Variants in RAB37 observed in about 807,000 individuals in gnomAD.
The protein encoded by RAB37 is ras-related protein Rab-37.
In RAB37, 29 loss-of-function variants were observed where a neutral mutation model predicts 33.1. The observed-to-expected ratio is 0.88, with a 90% CI of 0.65 to 1.20. RAB37 has a LOEUF of 1.20. Among genes scored for constraint, RAB37 ranks in the 50% most tolerant of loss-of-function variants. RAB37 has a pLI of 0.00. For synonymous variants in RAB37, 128 were observed against 119.5 expected (o/e 1.07, Z -0.47); for missense variants, 299 against 301.1 (o/e 0.99, Z 0.05).
Position 74,730,088 on chromosome 17 carries a change from C to T in RAB37, c.183+722C>T, listed in dbSNP as rs375348331. Reference sequence around the variant, plus strand: ...TCCTTTACCACACATCCCATCTCCCCGCGTTGTCCCGTGCCTGCGGCTGCA... The same window carrying T: ...TCCTTTACCACACATCCCATCTCCCTGCGTTGTCCCGTGCCTGCGGCTGCA... On this transcript the variant is annotated intron_variant, in intron 2 of 7. Coordinates refer to the RAB37 transcript ENST00000340415. The surrounding 1 kb of genome is among the most constrained non-coding windows in gnomAD (Gnocchi z 4.4). 5.9e-5 allele frequency among the ~76,000 whole-genome samples: 9 copies of T among 152,292 alleles called. No individual in the cohort carries two copies. Among genetic ancestry groups the T allele is most frequent in the Middle Eastern group, 6.8e-3 (2 of 294 alleles).
chr17:74,743,835 C>T (rs2144087460), intron 5 of RAB37, among the ~76,000 whole-genome samples: 1 of 152,272 alleles, frequency 6.6e-6, no homozygotes, highest in South Asian at 2.1e-4. Flanking sequence ...CCCCTGACCT[C>T]AAGGACAGTT....
chr17:74,723,766 G>A (rs1036474214), intron 1 of RAB37, among the ~76,000 whole-genome samples: 7 of 151,924 alleles, frequency 4.6e-5, no homozygotes, highest in Non-Finnish European at 7.4e-5. Context: ...TAGTAGAGAC[G>A]GGGTTTCACT....
At chr17:74,682,574 G>C (rs2031976335) in intron 1 of RAB37, among the ~76,000 whole-genome samples, 2 of 152,214 alleles carry the variant, frequency 1.3e-5, no homozygotes, top group South Asian at 4.1e-4. Flanking sequence ...CACCCCGAAG[G>C]TGGAGTCAAT....
chr17:74,672,157 CTG>C (rs2031720354), intron 1 of RAB37, among the ~76,000 whole-genome samples: 1 of 152,206 alleles, frequency 6.6e-6, no homozygotes, highest in South Asian at 2.1e-4. Flanking sequence ...CTCACAGCCC[CTG>C]TAAGCATTTG....
intron 1 of RAB37, chr17:74,703,179 G>A: frequency 6.4e-7 from 1 of 1,572,592 alleles, no homozygotes; most frequent in South Asian, 1.1e-5. Flanking sequence ...CCAGATCACA[G>A]ATGCCCCTGC....
In RAB37 at chr17:74,676,885, G is replaced by A. The variant is rs940554862; in HGVS notation, c.72+5227G>A. 6.6e-6 allele frequency among the ~76,000 whole-genome samples: 1 copy of A among 152,136 alleles called. No homozygotes were observed. The highest frequency in any genetic ancestry group is 2.4e-5 in the African/African-American group (1 of 41,418). On this transcript the variant is annotated intron_variant, in intron 1 of 7. Coordinates refer to the RAB37 transcript ENST00000340415. This position sits in a 1 kb window ranked among gnomAD's most constrained non-coding sequence, Gnocchi z 4.1. ...GTTAACCTCCAGGCTTGGCACGGTG[G>A]CTCACACCTGTAATCCCAGCACTTT...
intron 1 of RAB37, among the ~76,000 whole-genome samples, chr17:74,718,044 C>T (rs1327702924): frequency 6.6e-6 from 1 of 152,056 alleles, no homozygotes; most frequent in Non-Finnish European, 1.5e-5. Flanking sequence ...ACCTGTAATC[C>T]CAGCACTTTG....
intron 1 of RAB37, among the ~76,000 whole-genome samples, chr17:74,719,512 C>G (rs1312871770): frequency 1.3e-5 from 2 of 151,820 alleles, no homozygotes; most frequent in African/African-American, 4.8e-5. Flanking sequence ...TTTTCTTTTC[C>G]TTTTTTTTCT....
chr17:74,695,371 G>T, intron 1 of RAB37: 1 of 1,214,306 alleles, frequency 8.2e-7, no homozygotes, highest in Non-Finnish European at 1.1e-6. Flanking sequence ...TCCCACTCAA[G>T]CCCTCCAGCT....
At position 74,745,249 on chromosome 17, in the gene RAB37, T is replaced by A; in HGVS notation, c.567-57T>A. On this transcript the variant is annotated intron_variant, in intron 8 of 8. Transcript: ENST00000392613. This position sits in a 1 kb window ranked among gnomAD's most constrained non-coding sequence, Gnocchi z 4.5. ...CCACTGGGAGAGGGGAGGGGGCGGC[T>A]CAGCTCCTCACCCCAGCCCAGCCCA... 1 of 1,569,140 alleles carries A rather than the reference T, an allele frequency of 6.4e-7. No individual in the cohort carries two copies. The highest frequency in any genetic ancestry group is 8.8e-7 in the Non-Finnish European group (1 of 1,140,204).
intron 1 of RAB37, chr17:74,696,106 T>C: frequency 6.7e-7 from 1 of 1,496,462 alleles, no homozygotes; most frequent in Non-Finnish European, 9.0e-7. Context: ...AGGACTTCTC[T>C]GATATTTTGG....
At chr17:74,681,717 T>C (rs1321050422) in intron 1 of RAB37, among the ~76,000 whole-genome samples, 3 of 152,176 alleles carry the variant, frequency 2.0e-5, no homozygotes, top group South Asian at 2.1e-4. Context: ...AGAACCAGCA[T>C]AGCATAGGCC....
chr17:74,722,035 C>A (rs1454503115), intron 1 of RAB37, among the ~76,000 whole-genome samples: 1 of 152,152 alleles, frequency 6.6e-6, no homozygotes, highest in Non-Finnish European at 1.5e-5. Flanking sequence ...GTGGCTCACG[C>A]CTGTAATCCC....
intron 1 of RAB37, chr17:74,695,922 C>G: frequency 6.4e-7 from 1 of 1,562,362 alleles, no homozygotes; most frequent in Non-Finnish European, 8.7e-7. Flanking sequence ...GTTCCTTTTC[C>G]ACGGTGGGAC....
At chr17:74,713,579 T>C (rs1206937709) in intron 1 of RAB37, among the ~76,000 whole-genome samples, 1 of 151,738 alleles carries the variant, frequency 6.6e-6, no homozygotes, top group Non-Finnish European at 1.5e-5. Flanking sequence ...ACCAGAGGGG[T>C]CCTGGAGAGC....
chr17:74,700,808 A>AC (rs1193065585), intron 1 of RAB37, among the ~76,000 whole-genome samples: 4 of 151,016 alleles, frequency 2.6e-5, no homozygotes, highest in East Asian at 3.9e-4. Flanking sequence ...GTACACCACC[A>AC]CCCCCCCACC....
At chr17:74,710,284 T>C (rs915509537) in intron 1 of RAB37, among the ~76,000 whole-genome samples, 1 of 152,080 alleles carries the variant, frequency 6.6e-6, no homozygotes, top group African/African-American at 2.4e-5. Context: ...CTGGAAATTC[T>C]AATCAATATA....
chr17:74,728,966 A>G (rs2034348864), intron 1 of RAB37, among the ~76,000 whole-genome samples: 2 of 148,358 alleles, frequency 1.3e-5, no homozygotes, highest in South Asian at 4.3e-4. Context: ...TATGTGTTGT[A>G]CATGTGTGTA....
chr17:74,727,006 T>C (rs2034314805), intron 1 of RAB37, among the ~76,000 whole-genome samples: 1 of 152,204 alleles, frequency 6.6e-6, no homozygotes, highest in Non-Finnish European at 1.5e-5. Context: ...TTCTTCTCTG[T>C]TGTTTATGAT....
Sources: allele counts gnomAD v4.1 joint callset (sites outside exome capture counted in the v4.1 genomes callset), GRCh38; gene constraint gnomAD v4.1.1; non-coding constraint Gnocchi (gnomAD v3.1); transcripts MANE v1.5; gene names NCBI Gene and HGNC (gene_info 2026-07-23, HGNC 2026-07-21).